CTBP2: variants seen among roughly 807,000 people sequenced by gnomAD.
CTBP2 encodes C-terminal-binding protein 2.
A neutral mutation model predicts 80.3 loss-of-function variants in CTBP2; 30 were observed. The observed-to-expected ratio is 0.37, with a 90% CI of 0.28 to 0.51. The LOEUF (loss-of-function observed/expected upper bound fraction) is 0.51, where lower values mean the gene tolerates loss of function less well. Among genes scored for constraint, CTBP2 ranks in the 20% least tolerant of loss-of-function variants. The pLI is 0.93. For missense variants in CTBP2, 1,212 were observed against 1,375.3 expected (o/e 0.88, Z 1.88); for synonymous variants, 594 against 587.4 (o/e 1.01, Z -0.16).
At chr10:125,018,553 C>CAACAAACAAACA (rs59184976) in intron 1 of CTBP2, among the ~76,000 whole-genome samples, 14 of 99,570 alleles carry the variant, frequency 1.4e-4, no homozygotes, top group East Asian at 3.0e-4. Context: ...CCAAACCAAC[C>CAACAAACAAACA]AACAAACAAA....
chr10:125,072,559 T>C, intron 2 of CTBP2, among the ~76,000 whole-genome samples: 1 of 140,892 alleles, frequency 7.1e-6, no homozygotes. Context: ...GAGGCTGCAG[T>C]GAGCCAGGAT....
At chr10:125,159,323 C>T (rs1861519789) in intron 1 of CTBP2, among the ~76,000 whole-genome samples, 1 of 136,156 alleles carries the variant, frequency 7.3e-6, no homozygotes, top group South Asian at 2.4e-4. Context: ...GTGGGGGAGG[C>T]GGGCGGGCCG....
chr10:125,097,432 G>C (rs1849700129), intron 2 of CTBP2, among the ~76,000 whole-genome samples: 3 of 152,128 alleles, frequency 2.0e-5, no homozygotes, highest in Non-Finnish European at 4.4e-5. Context: ...AGTTACAATG[G>C]ATGACTATTT....
At chr10:125,069,965 A>G (rs77363721) in intron 2 of CTBP2, among the ~76,000 whole-genome samples, 1,917 of 149,774 alleles carry the variant, frequency 0.013, 28 homozygotes, top group African/African-American at 0.042. Flanking sequence ...GACTTTGGAT[A>G]ACAATGGATC....
At chr10:125,079,290 C>T (rs1846816941) in intron 2 of CTBP2, among the ~76,000 whole-genome samples, 1 of 152,152 alleles carries the variant, frequency 6.6e-6, no homozygotes, top group Non-Finnish European at 1.5e-5. Context: ...ACACAGGGCA[C>T]AGCGCCTTTC....
chr10:124,984,553 A>G lies in CTBP2; in HGVS notation c.*4965T>C. On this transcript the variant is annotated 3_prime_UTR_variant, in exon 9 of 9. Transcript: ENST00000309035. ...ATTACCCTCTAGTGTGCTCCTCTTT[A>G]GTTTTTTTCTGAGAAATTTCCCATT... The G allele has an allele frequency of 1.9e-6, 1 of 531,462 alleles. No individual in the cohort carries two copies. 32.9% of individuals were successfully genotyped at this position (531,462 alleles called of 1,614,324 possible).
intron 8 of CTBP2, 125 bp downstream of exon 10, chr10:124,992,570 G>A (rs1013782581): frequency 2.2e-5 from 14 of 627,060 alleles, no homozygotes; most frequent in Non-Finnish European, 4.0e-5. Context: ...TGCTGAGAAG[G>A]CTGATTGTTC....
rs58255988 is a variant in CTBP2, at chr10:124,986,291, G to GCACACACACACACACACACACACA, written c.*3203_*3226dup. 2 of 116,020 alleles carry GCACACACACACACACACACACACA rather than the reference G, an allele frequency of 1.7e-5. No individual in the cohort carries two copies. The highest frequency in any genetic ancestry group is 6.6e-5 in the African/African-American group (2 of 30,496). 7.2% of individuals were successfully genotyped at this position (116,020 alleles called of 1,614,324 possible). ...AGACGACACACGCACGCGCGCGCGCGCACACACACACACACACACACACAC... is the reference window on the plus strand; with the variant it reads ...AGACGACACACGCACGCGCGCGCGCGCACACACACACACACACACACACACACACACACACACACACACACACAC... On this transcript the variant is annotated 3_prime_UTR_variant, in exon 9 of 9. Coordinates refer to ENST00000309035, the MANE Select transcript of CTBP2 (RefSeq NM_022802.3).
At chr10:125,139,374 C>CAAAA (rs33963277) in intron 1 of CTBP2, among the ~76,000 whole-genome samples, 12 of 96,212 alleles carry the variant, frequency 1.2e-4, no homozygotes, top group African/African-American at 3.7e-4. Flanking sequence ...TAGACTGTCT[C>CAAAA]AAAAAAAAAA....
At position 125,037,084 on chromosome 10, in the gene CTBP2, A is replaced by T. The variant is rs1016568827; in HGVS notation, c.58+1913T>A. Among the ~76,000 whole-genome samples the T allele has an allele frequency of 4.6e-5, 7 of 152,224 alleles. No individual in the cohort carries two copies. In the South Asian group the frequency reaches 1.4e-3, roughly 32 times the overall value. On this transcript the variant is annotated intron_variant, in intron 3 of 10. Transcript: ENST00000337195. Reference sequence around the variant, plus strand: ...GAGAAATTTAAAATATATAACTGCAAATGTATCTGGAACACCATGCATAGA... The same window carrying T: ...GAGAAATTTAAAATATATAACTGCATATGTATCTGGAACACCATGCATAGA...
At chr10:125,031,488 C>CAAAAAAAAAAAAAAAAAAAAAAAAAA (rs11463934), upstream of CTBP2, among the ~76,000 whole-genome samples, 1 of 33,694 alleles carries the variant, frequency 3.0e-5, no homozygotes, top group Non-Finnish European at 4.9e-5. Context: ...GACTCCATTT[C>CAAAAAAAAAAAAAAAAAAAAAAAAAA]AAAAAAAAAA....
At chr10:125,072,404 C>T (rs1378656665) in intron 2 of CTBP2, among the ~76,000 whole-genome samples, 1 of 152,156 alleles carries the variant, frequency 6.6e-6, no homozygotes, top group Non-Finnish European at 1.5e-5. Flanking sequence ...TACCTGAGGT[C>T]AGGAGTTTGA....
At chr10:125,047,302 AT>A (rs1463573122) in intron 2 of CTBP2, among the ~76,000 whole-genome samples, 2 of 152,224 alleles carry the variant, frequency 1.3e-5, no homozygotes, top group Non-Finnish European at 2.9e-5. Flanking sequence ...TGGCATGAAA[AT>A]TTTGATCTGT....
intron 4 of CTBP2, 86 bp downstream of exon 6, chr10:124,997,878 G>A: frequency 7.1e-7 from 1 of 1,416,694 alleles, no homozygotes; most frequent in Non-Finnish European, 9.6e-7. Context: ...TCAAGAGCAG[G>A]CTGGGGTTGC....
chr10:124,991,807 C>T lies in CTBP2; in HGVS notation c.2777+888G>A, dbSNP rs952097535. 4.4e-5 allele frequency among the ~76,000 whole-genome samples: 6 copies of T among 137,682 alleles called. No individual in the cohort carries two copies. The South Asian group carries it at 1.4e-3, about 32-fold the overall frequency. The allele number at this position is 137,682 out of a possible 152,430, so 90.3% of individuals were successfully genotyped here. A position where few individuals can be genotyped will look rare whatever the true frequency, so the allele number is the denominator to read the frequency against. ...GCTAGAAACCCTGGTTTAGAATATGCAAAAATTTTTCTTAAGATTCAAGGC... is the reference window on the plus strand; with the variant it reads ...GCTAGAAACCCTGGTTTAGAATATGTAAAAATTTTTCTTAAGATTCAAGGC... On this transcript the variant is annotated intron_variant, in intron 8 of 8. Transcript: ENST00000309035.
rs565917312 is a variant in CTBP2 at position 124,995,433 on chromosome 10, AT to A, written c.2186-751del. ...CCAGCTTCCCAGAGCAGTTTTCAGCATTTTGAAAACAAAATGGTTAGTGTTG... is the reference window on the plus strand; with the variant it reads ...CCAGCTTCCCAGAGCAGTTTTCAGCATTTGAAAACAAAATGGTTAGTGTTG... On this transcript the variant is annotated intron_variant, in intron 4 of 8. Coordinates refer to ENST00000309035, the MANE Select transcript of CTBP2 (RefSeq NM_022802.3). 1.6e-4 allele frequency among the ~76,000 whole-genome samples: 25 copies of A among 152,374 alleles called. No individual in the cohort carries two copies. In the South Asian group the frequency reaches 3.7e-3, roughly 23 times the overall value.
intron 2 of CTBP2, among the ~76,000 whole-genome samples, chr10:125,072,199 C>G (rs987697184): frequency 2.0e-5 from 3 of 152,170 alleles, no homozygotes; most frequent in Admixed American, 2.0e-4. Flanking sequence ...GTAGTTCCAG[C>G]TACTCGGGAG....
At chr10:125,057,574 G>C (rs189799961) in intron 2 of CTBP2, among the ~76,000 whole-genome samples, 10 of 152,276 alleles carry the variant, frequency 6.6e-5, no homozygotes, top group Admixed American at 5.2e-4. Context: ...CCTTTTCCAG[G>C]CCACAGAATC....
chr10:125,123,473 T>C (rs1277374033), intron 1 of CTBP2, among the ~76,000 whole-genome samples: 1 of 152,244 alleles, frequency 6.6e-6, no homozygotes. Flanking sequence ...ATTCATTCTG[T>C]ATGTGAATCT....
Sources: allele counts gnomAD v4.1 joint callset (sites outside exome capture counted in the v4.1 genomes callset), GRCh38; gene constraint gnomAD v4.1.1; transcripts MANE v1.5; gene names NCBI Gene and HGNC (gene_info 2026-07-23, HGNC 2026-07-21).